Variants in PATJ observed in about 807,000 individuals in gnomAD.
PATJ encodes the protein inaD-like protein.
PATJ carries 190 observed loss-of-function variants against 224.9 expected under a neutral mutation model. That is an observed-to-expected ratio of 0.84 (90% CI 0.75 to 0.95). PATJ has a LOEUF of 0.95. PATJ is among the 40% of genes least tolerant of loss of function. The pLI is 0.00. For missense variants in PATJ, 2,121 were observed against 2,270.3 expected, an observed-to-expected ratio of 0.93 and a Z score of 1.34; for synonymous variants, 769 against 820.3, an observed-to-expected ratio of 0.94 and a Z score of 1.07.
At position 61,965,988 on chromosome 1, in the gene PATJ, G is replaced by A. The variant is rs534540490; in HGVS notation, c.3671-24180G>A. Among the ~76,000 whole-genome samples, 37 of 152,228 alleles carry A rather than the reference G, an allele frequency of 2.4e-4. 1 individual carries two copies. The South Asian group carries it at 6.9e-3, about 28-fold the overall frequency. ...ACGATCTTGGCTCACCACAACTTCC[G>A]CCTCCCATGTTCAAGGGATTCTCTT... On this transcript the variant is annotated intron_variant, in intron 27 of 43. Transcript: ENST00000642238.
intron 30 of PATJ, chr1:62,039,144 A>G: frequency 1.6e-6 from 1 of 626,614 alleles, no homozygotes; most frequent in South Asian, 1.6e-5. Context: ...AGCCTGTCAT[A>G]GGAACTCCAT....
At chr1:61,900,501 A>G (rs1469604963) in intron 23 of PATJ, among the ~76,000 whole-genome samples, 1 of 152,192 alleles carries the variant, frequency 6.6e-6, no homozygotes, top group African/African-American at 2.4e-5. Context: ...GGGAAAAGCA[A>G]CTTGGACAAC....
At chr1:61,802,304 GCTGGTCTCAAACTC>G (rs1652699584) in intron 12 of PATJ, among the ~76,000 whole-genome samples, 1 of 152,224 alleles carries the variant, frequency 6.6e-6, no homozygotes, top group African/African-American at 2.4e-5. Flanking sequence ...TGTTGGCCAG[GCTGGTCTCAAACTC>G]CTGGCTTCAA....
At chr1:61,793,518 C>G (rs1490807310) in intron 9 of PATJ, among the ~76,000 whole-genome samples, 1 of 151,902 alleles carries the variant, frequency 6.6e-6, no homozygotes. Context: ...AGGCTGATGG[C>G]TCACTTGAGC....
chr1:61,815,858 T>A (rs1423118108), intron 14 of PATJ, among the ~76,000 whole-genome samples: 1 of 152,146 alleles, frequency 6.6e-6, no homozygotes, highest in Non-Finnish European at 1.5e-5. Context: ...CAAGAACAGT[T>A]TTCCCGCATC....
intron 14 of PATJ, among the ~76,000 whole-genome samples, chr1:61,813,362 T>TATATATATATAC (rs1557690290): frequency 1.7e-4 from 8 of 45,844 alleles, no homozygotes; most frequent in African/African-American, 7.2e-4. Context: ...TATATATATA[T>TATATATATATAC]ATATATATAT....
intron 14 of PATJ, among the ~76,000 whole-genome samples, chr1:61,813,893 CTTAA>C (rs1380753333): frequency 6.6e-6 from 1 of 151,900 alleles, no homozygotes; most frequent in African/African-American, 2.4e-5. Context: ...TCGTATATAC[CTTAA>C]TTAATATAGC....
chr1:61,794,661 T>TTTGTTG (rs551832327), intron 9 of PATJ, among the ~76,000 whole-genome samples: 2 of 151,926 alleles, frequency 1.3e-5, no homozygotes, highest in African/African-American at 2.4e-5. Context: ...CTCATACTAA[T>TTTGTTG]TTGTTGTTGT....
chr1:62,125,262 AAC>A (rs1491020241), intron 39 of PATJ, among the ~76,000 whole-genome samples: 31,291 of 113,592 alleles, frequency 0.28, 4,986 homozygotes, highest in Non-Finnish European at 0.38. Context: ...AACAAAAAAA[AAC>A]AAAAAAAAAA....
At chr1:61,832,633 ATGAGCCAGGCATTATATAGT>A (rs1351853768) in intron 16 of PATJ, among the ~76,000 whole-genome samples, 2 of 152,184 alleles carry the variant, frequency 1.3e-5, no homozygotes, top group Non-Finnish European at 2.9e-5. Context: ...TGTGCCTACT[ATGAGCCAGGCATTATATAGT>A]TGAGCTGATA....
At chr1:62,124,657 T>C (rs753493636) in intron 39 of PATJ, among the ~76,000 whole-genome samples, 5 of 152,172 alleles carry the variant, frequency 3.3e-5, no homozygotes, top group African/African-American at 4.8e-5. Context: ...AAGATGAAGG[T>C]GTCTGCAGGT....
At chr1:61,939,501 T>C (rs1219874353) in intron 27 of PATJ, among the ~76,000 whole-genome samples, 1 of 151,944 alleles carries the variant, frequency 6.6e-6, no homozygotes, top group African/African-American at 2.4e-5. Context: ...AGTGTAACTA[T>C]AAAAATCAGG....
chr1:62,125,071 T>C (rs2148931557), intron 39 of PATJ, among the ~76,000 whole-genome samples: 1 of 151,440 alleles, frequency 6.6e-6, no homozygotes, highest in African/African-American at 2.4e-5. Flanking sequence ...ACAAATAATT[T>C]CTTTTAAAAT....
chr1:62,073,473 C>A, intron 31 of PATJ: 2 of 239,658 alleles, frequency 8.3e-6, no homozygotes, highest in Non-Finnish European at 1.3e-5. Context: ...AAATCTCTTC[C>A]AAAAATACAA....
chr1:61,893,838 GT>G (rs1669953580), intron 22 of PATJ, among the ~76,000 whole-genome samples: 3 of 151,606 alleles, frequency 2.0e-5, no homozygotes, highest in South Asian at 2.1e-4. Flanking sequence ...AGGTGTCATG[GT>G]GAAATACCTG....
intron 40 of PATJ, chr1:62,128,449 C>A (rs1034167177): frequency 1.1e-5 from 3 of 274,640 alleles, no homozygotes; most frequent in African/African-American, 4.4e-5. Flanking sequence ...TATGATTTCT[C>A]CCCCTTGTTG....
chr1:61,888,092 C>G (rs1669126759), intron 22 of PATJ, among the ~76,000 whole-genome samples: 2 of 152,108 alleles, frequency 1.3e-5, no homozygotes, highest in South Asian at 2.1e-4. Flanking sequence ...TTCTACTCTG[C>G]AAAAGCCAGG....
intron 28 of PATJ, among the ~76,000 whole-genome samples, chr1:62,006,168 G>A (rs1369325515): frequency 6.6e-6 from 1 of 152,140 alleles, no homozygotes; most frequent in Non-Finnish European, 1.5e-5. Flanking sequence ...AGGCTGGAGT[G>A]CAATGGCGCA....
chr1:61,931,999 A>C (rs1676104745), intron 27 of PATJ, among the ~76,000 whole-genome samples: 1 of 152,080 alleles, frequency 6.6e-6, no homozygotes, highest in Non-Finnish European at 1.5e-5. Flanking sequence ...ATTCTATTTC[A>C]TGTTTTTAAA....
Sources: allele counts gnomAD v4.1 joint callset (sites outside exome capture counted in the v4.1 genomes callset), GRCh38; gene constraint gnomAD v4.1.1; transcripts MANE v1.5; gene names NCBI Gene and HGNC (gene_info 2026-07-23, HGNC 2026-07-21).